Variants in TBC1D32 observed in about 807,000 individuals in gnomAD.
TBC1D32 encodes the protein TBC1 domain family member 32, also known as protein broad-minded.
Under a neutral mutation model 170.3 loss-of-function variants are expected in TBC1D32, and 151 were observed. The ratio of observed to expected loss-of-function variants is 0.89; its 90% CI spans 0.78 to 1.01. The LOEUF (loss-of-function observed/expected upper bound fraction) is 1.01. TBC1D32 is among the 50% of genes least tolerant of loss of function. The probability of loss-of-function intolerance (pLI) is 0.00; values close to 1 mark genes in which losing one functional copy is unlikely to be tolerated. For missense variants in TBC1D32, 1,464 were observed against 1,457.1 expected, an observed-to-expected ratio of 1.00 and a Z score of -0.08; for synonymous variants, 498 against 488.0, an observed-to-expected ratio of 1.02 and a Z score of -0.27.
intron 3 of TBC1D32, among the ~76,000 whole-genome samples, chr6:121,315,829 ATCTCCT>A (rs1460957614): frequency 2.6e-5 from 4 of 152,146 alleles, no homozygotes; most frequent in African/African-American, 7.2e-5. Context: ...TATACACAAT[ATCTCCT>A]AGAACTTGGA....
intron 24 of TBC1D32, among the ~76,000 whole-genome samples, chr6:121,139,432 G>C (rs1175542592): frequency 6.6e-6 from 1 of 152,116 alleles, no homozygotes; most frequent in African/African-American, 2.4e-5. Flanking sequence ...AGAATGGATT[G>C]TCATCAATTT....
chr6:121,115,708 G>A (rs1466449529), intron 26 of TBC1D32: 1 of 152,310 alleles, frequency 6.6e-6, no homozygotes, highest in African/African-American at 2.4e-5. Context: ...ATTTCTTCCT[G>A]CAGGCCAAGT....
intron 4 of TBC1D32, 50 bp downstream of exon 4, chr6:121,310,729 T>A: frequency 8.5e-7 from 1 of 1,176,124 alleles, no homozygotes; most frequent in Non-Finnish European, 1.2e-6. Context: ...TCTCATATAT[T>A]GTAAATGTAT....
rs111898960 is a variant in TBC1D32 at position 121,193,680 on chromosome 6, T to C, written c.2570+11395A>G. Among the ~76,000 whole-genome samples, 473 of 152,358 alleles carry C rather than the reference T, an allele frequency of 3.1e-3. 4 individuals are homozygous for C. Among genetic ancestry groups the C allele is most frequent in the African/African-American group, 0.011 (458 of 41,584 alleles). On this transcript the variant is annotated intron_variant, in intron 22 of 31. Transcript: ENST00000398212. ...AGCAAACAGAACAGTCTGACTCATGTAGAGCTCTGACATTAACTAATTAAT... is the reference window on the plus strand; with the variant it reads ...AGCAAACAGAACAGTCTGACTCATGCAGAGCTCTGACATTAACTAATTAAT...
At chr6:121,155,011 A>G (rs2128238501) in intron 24 of TBC1D32, among the ~76,000 whole-genome samples, 1 of 152,306 alleles carries the variant, frequency 6.6e-6, no homozygotes, top group East Asian at 1.9e-4. Flanking sequence ...TATGAATTTC[A>G]GAATACATAT....
At chr6:121,141,013 A>G (rs1173915779) in intron 24 of TBC1D32, among the ~76,000 whole-genome samples, 3 of 152,176 alleles carry the variant, frequency 2.0e-5, no homozygotes, top group Admixed American at 1.3e-4. Context: ...TACAGGAGAA[A>G]GAAATCCAGC....
intron 31 of TBC1D32, among the ~76,000 whole-genome samples, chr6:121,090,133 C>T (rs1776658739): frequency 6.6e-6 from 1 of 152,138 alleles, no homozygotes; most frequent in Non-Finnish European, 1.5e-5. Flanking sequence ...GGGGTTTCAC[C>T]GTGTTAGCCA....
intron 2 of TBC1D32, among the ~76,000 whole-genome samples, 193 bp downstream of exon 2, chr6:121,321,440 T>C (rs1809687554): frequency 6.6e-6 from 1 of 152,142 alleles, no homozygotes; most frequent in Non-Finnish European, 1.5e-5. Flanking sequence ...AAAAGAATTC[T>C]GGGTTTTACT....
intron 26 of TBC1D32, among the ~76,000 whole-genome samples, chr6:121,117,571 A>G (rs1181791092): frequency 1.3e-5 from 2 of 152,006 alleles, no homozygotes; most frequent in African/African-American, 4.8e-5. Flanking sequence ...GCGTGGTGGC[A>G]CATGTCTGTA....
intron 26 of TBC1D32, among the ~76,000 whole-genome samples, chr6:121,118,453 G>A (rs1779906647): frequency 6.6e-6 from 1 of 152,112 alleles, no homozygotes; most frequent in South Asian, 2.1e-4. Context: ...AAAATGAGTT[G>A]ACAAAATTTA....
At chr6:121,288,012 G>A (rs1387491044) in intron 12 of TBC1D32, among the ~76,000 whole-genome samples, 1 of 152,120 alleles carries the variant, frequency 6.6e-6, no homozygotes, top group Non-Finnish European at 1.5e-5. Flanking sequence ...AGTGTGTAGA[G>A]GGAAATTTAT....
chr6:121,154,281 C>G (rs1033114831), intron 24 of TBC1D32, among the ~76,000 whole-genome samples: 1 of 152,084 alleles, frequency 6.6e-6, no homozygotes, highest in African/African-American at 2.4e-5. Context: ...TAGGTGAGAA[C>G]AGAGCTACCC....
chr6:121,310,325 T>A (rs1397120494), intron 4 of TBC1D32, among the ~76,000 whole-genome samples: 1 of 152,196 alleles, frequency 6.6e-6, no homozygotes, highest in Non-Finnish European at 1.5e-5. Context: ...TTCCTCAGTG[T>A]ATACATATTT....
intron 30 of TBC1D32, among the ~76,000 whole-genome samples, chr6:121,101,889 G>T (rs958295393): frequency 6.6e-6 from 1 of 152,106 alleles, no homozygotes; most frequent in Non-Finnish European, 1.5e-5. Context: ...CTTCAGCAAA[G>T]TCTCAGGATA....
At chr6:121,170,247 T>G (rs1198081946) in intron 22 of TBC1D32, among the ~76,000 whole-genome samples, 3 of 152,020 alleles carry the variant, frequency 2.0e-5, no homozygotes, top group Non-Finnish European at 4.4e-5. Flanking sequence ...ATAATCTTTC[T>G]GTGACATTTA....
chr6:121,255,195 T>C (rs1798801372), intron 17 of TBC1D32, 133 bp downstream of exon 17: 1 of 391,808 alleles, frequency 2.6e-6, no homozygotes, highest in East Asian at 5.4e-5. Flanking sequence ...CCAAACTAAT[T>C]TTCCTTGAAG....
intron 17 of TBC1D32, among the ~76,000 whole-genome samples, chr6:121,253,729 G>A (rs1424868529): frequency 1.3e-5 from 2 of 151,730 alleles, no homozygotes; most frequent in African/African-American, 4.8e-5. Context: ...AAAAAAAAAA[G>A]TCAAAAAAAC....
rs553842874 is a variant in TBC1D32 at position 121,311,885 on chromosome 6, C to T, written c.496-1038G>A. 4.6e-5 allele frequency among the ~76,000 whole-genome samples: 7 copies of T among 152,194 alleles called. No individual in the cohort carries two copies. The East Asian group carries it at 1.4e-3, about 29-fold the overall frequency. ...ATCTAGAACCAGAAATACCATTTGA[C>T]CCAGCAATCCCATGCACACGTATGT... On this transcript the variant is annotated intron_variant, in intron 3 of 31. Transcript: ENST00000398212.
At chr6:121,287,562 T>C (rs939522550) in intron 12 of TBC1D32, among the ~76,000 whole-genome samples, 10 of 152,132 alleles carry the variant, frequency 6.6e-5, no homozygotes, top group Non-Finnish European at 1.2e-4. Context: ...TGGGAGACTT[T>C]AACACCCCAC....
Sources: gnomAD v4.1 joint callset for allele counts (sites outside exome capture counted in the v4.1 genomes callset) on GRCh38, gnomAD v4.1.1 for gene constraint, MANE v1.5 for transcripts, NCBI Gene and HGNC (gene_info 2026-07-23, HGNC 2026-07-21) for gene names.